ANKRD26: variants seen among roughly 807,000 people sequenced by gnomAD.
ANKRD26 encodes the protein ankyrin repeat domain-containing protein 26.
Under a neutral mutation model 208.7 loss-of-function variants are expected in ANKRD26, and 141 were observed. That is an observed-to-expected ratio of 0.68 (90% confidence interval 0.59 to 0.78). The LOEUF (loss-of-function observed/expected upper bound fraction) is 0.78, where lower values mean the gene tolerates loss of function less well. ANKRD26 is among the 30% of genes least tolerant of loss of function. The probability of loss-of-function intolerance (pLI) is 0.00; values close to 1 mark genes in which losing one functional copy is unlikely to be tolerated. For synonymous variants in ANKRD26, 636 were observed against 660.4 expected (o/e 0.96, Z 0.57); for missense variants, 1,889 against 1,938.7 (o/e 0.97, Z 0.48).
chr10:27,055,961 C>T (rs1293433609), intron 15 of ANKRD26, among the ~76,000 whole-genome samples: 3 of 152,096 alleles, frequency 2.0e-5, no homozygotes, highest in Non-Finnish European at 4.4e-5. Flanking sequence ...AGTTTTCCAT[C>T]CAGTCCCAAA....
At chr10:27,062,093 C>T (rs568221064) in intron 12 of ANKRD26, 3 of 985,280 alleles carry the variant, frequency 3.0e-6, no homozygotes, top group African/African-American at 1.7e-5. Context: ...TTCTCTTTCC[C>T]CACTCACGAT....
chr10:26,980,022 G>A (rs888653458), intron 5 of ANKRD26, among the ~76,000 whole-genome samples: 2 of 152,124 alleles, frequency 1.3e-5, no homozygotes, highest in African/African-American at 4.8e-5. Flanking sequence ...GTTATGTGGT[G>A]TTTTACAAGA....
intron 29 of ANKRD26, among the ~76,000 whole-genome samples, chr10:27,022,076 A>C (rs1459892312): frequency 6.6e-6 from 1 of 152,114 alleles, no homozygotes; most frequent in Non-Finnish European, 1.5e-5. Context: ...CTTTTGTTGC[A>C]ATTGCTTTTG....
chr10:27,076,265 GTTT>G (rs199989309), intron 9 of ANKRD26, among the ~76,000 whole-genome samples: 1 of 141,104 alleles, frequency 7.1e-6, no homozygotes, highest in African/African-American at 2.6e-5. Flanking sequence ...TGTTTGTTTG[GTTT>G]TTTTTTTTTT....
the ANKRD26 span, among the ~76,000 whole-genome samples, chr10:26,960,396 G>A: frequency 2.0e-5 from 3 of 152,232 alleles, no homozygotes; most frequent in East Asian, 3.9e-4. Context: ...CCAGCTGAGC[G>A]CAGCCTTCCA....
chr10:27,046,211 G>T, intron 18 of ANKRD26, 142 bp downstream of exon 18: 1 of 880,504 alleles, frequency 1.1e-6, no homozygotes, highest in Non-Finnish European at 1.7e-6. Flanking sequence ...GCTTGTCAAA[G>T]TCACTTGTCC....
Position 27,035,031 on chromosome 10 carries a change from T to A in ANKRD26, c.3419A>T (p.Gln1140Leu). The A allele has an allele frequency of 6.2e-7, 1 of 1,614,008 alleles. No individual in the cohort carries two copies. Among genetic ancestry groups the A allele is most frequent in the Non-Finnish European group, 8.5e-7 (1 of 1,179,916 alleles). The stretch of plus-strand genomic sequence containing the variant: ...TTGTCGAAGCAACATATTCTCACTT[T>A]GTAGTTGAGACAATCTCTCCTCTAC... ...ESVEERLSQL[Q>L]SENMLLRQQL... Residue 1140 changes from glutamine (Q) to leucine (L), a missense_variant, in exon 24 of 34, where the codon CAA (glutamine) becomes CTA (leucine). Transcript: ENST00000376087.
chr10:26,969,811 G>GTT (rs34596945), downstream of ANKRD26, among the ~76,000 whole-genome samples: 96 of 136,368 alleles, frequency 7.0e-4, no homozygotes, highest in African/African-American at 2.3e-3. Context: ...TTTACTTTCT[G>GTT]TTTTTTTTTT....
intron 6 of ANKRD26, among the ~76,000 whole-genome samples, chr10:27,082,074 AGGGAGAGAG>A (rs1564424205): frequency 1.5e-4 from 6 of 38,760 alleles, no homozygotes; most frequent in East Asian, 4.2e-4. Context: ...AAAAAAAAAA[AGGGAGAGAG>A]AGAAACAAAA....
Position 27,079,056 on chromosome 10 carries a change from T to G in ANKRD26, c.813+33A>C, listed in dbSNP as rs757407478. The G allele has an allele frequency of 3.3e-5, 52 of 1,559,806 alleles. 1 individual carries two copies. In the South Asian group the frequency reaches 5.1e-4, roughly 15 times the overall value. ...ATACTATACGAAACTAGATTCAGAG[T>G]AAGAAAATTAAGTTCATGAGAGAGC... On this transcript the variant is annotated intron_variant, in intron 7 of 33. Transcript: ENST00000376087.
At chr10:27,039,845 C>A in intron 21 of ANKRD26, 120 bp downstream of exon 21, 1 of 856,300 alleles carries the variant, frequency 1.2e-6, no homozygotes. Flanking sequence ...ATTTCACACT[C>A]CACAAGACTA....
At chr10:27,029,508 C>T in intron 25 of ANKRD26, 152 bp from the exon 26 acceptor site, 1 of 768,114 alleles carries the variant, frequency 1.3e-6, no homozygotes, top group East Asian at 2.7e-5. Flanking sequence ...GACTGTAGAG[C>T]TGATCTGTTG....
chr10:26,963,655 A>G, the ANKRD26 span, among the ~76,000 whole-genome samples: 1 of 152,134 alleles, frequency 6.6e-6, no homozygotes, highest in Non-Finnish European at 1.5e-5. Context: ...GGATACCAAA[A>G]TCCGCGGTCC....
At chr10:27,002,126 C>A (rs2052738838), downstream of ANKRD26, among the ~76,000 whole-genome samples, 1 of 152,052 alleles carries the variant, frequency 6.6e-6, no homozygotes, top group African/African-American at 2.4e-5. Context: ...TGGCCTGGCA[C>A]AGGGTGTCTG....
intron 17 of ANKRD26, among the ~76,000 whole-genome samples, chr10:27,047,701 ATAC>A (rs1252384073): frequency 0.037 from 5,127 of 138,724 alleles, 99 homozygotes; most frequent in Middle Eastern, 0.051. Flanking sequence ...AACTGTAATA[ATAC>A]TACTACTACT....
At chr10:27,082,049 TAAAAAAAAA>T (rs994610726) in intron 6 of ANKRD26, among the ~76,000 whole-genome samples, 34 of 67,646 alleles carry the variant, frequency 5.0e-4, no homozygotes, top group Admixed American at 4.0e-3. Context: ...TGCAGTTATT[TAAAAAAAAA>T]AAAAAAAAAA....
intron 5 of ANKRD26, 127 bp downstream of exon 5, chr10:27,086,412 A>T: frequency 8.3e-7 from 1 of 1,210,450 alleles, no homozygotes; most frequent in Non-Finnish European, 1.1e-6. Context: ...AGAGAAATTA[A>T]GAAAAAATAC....
chr10:26,947,886 A>T, the ANKRD26 span, among the ~76,000 whole-genome samples: 1 of 152,240 alleles, frequency 6.6e-6, no homozygotes, highest in Non-Finnish European at 1.5e-5. Context: ...CAATAATAAC[A>T]ATTCTAAGTA....
In ANKRD26 at chr10:27,093,278, A is replaced by ACCCTTACATATGTCAC. The variant is rs1254174689; in HGVS notation, c.531+55_531+70dup. 5.6e-6 allele frequency: 8 copies of ACCCTTACATATGTCAC among 1,430,472 alleles called. No homozygotes were observed. In the Admixed American group the frequency reaches 1.3e-4, roughly 24 times the overall value. The allele number at this position is 1,430,472 out of a possible 1,614,324, so 88.6% of individuals were successfully genotyped here. A position where few individuals can be genotyped will look rare whatever the true frequency, so the allele number is the denominator to read the frequency against. On this transcript the variant is annotated intron_variant, in intron 3 of 33. Coordinates refer to ENST00000376087, the MANE Select transcript of ANKRD26 (RefSeq NM_014915.3). ...TTGCGCTTCCAAATACAGAAAACTA[A>ACCCTTACATATGTCAC]CCCTTACATATGTCACTGTTGAAAC...
Sources: allele counts gnomAD v4.1 joint callset (sites outside exome capture counted in the v4.1 genomes callset), GRCh38; gene constraint gnomAD v4.1.1; transcripts MANE v1.5; gene names NCBI Gene and HGNC (gene_info 2026-07-23, HGNC 2026-07-21).